Variants in EVI5 observed in about 807,000 individuals in gnomAD.
EVI5 encodes the protein ecotropic viral integration site 5 protein homolog.
A neutral mutation model predicts 112.0 loss-of-function variants in EVI5; 73 were observed. The observed-to-expected ratio is 0.65, with a 90% CI of 0.54 to 0.79. EVI5 has a LOEUF of 0.79. EVI5 is among the 30% of genes least tolerant of loss of function. The probability of loss-of-function intolerance (pLI) is 0.00; values close to 1 mark genes in which losing one functional copy is unlikely to be tolerated. For synonymous variants in EVI5, 305 were observed against 319.9 expected (o/e 0.95, Z 0.50); for missense variants, 900 against 968.8 (o/e 0.93, Z 0.94).
chr1:92,572,725 T>A (rs1670495384), intron 18 of EVI5, among the ~76,000 whole-genome samples: 1 of 106,142 alleles, frequency 9.4e-6, no homozygotes, highest in Non-Finnish European at 1.9e-5. Context: ...TAACCATATC[T>A]GTTTTGTACA....
At chr1:92,641,345 T>G (rs1342376991) in intron 13 of EVI5, among the ~76,000 whole-genome samples, 2 of 152,180 alleles carry the variant, frequency 1.3e-5, no homozygotes, top group Non-Finnish European at 2.9e-5. Flanking sequence ...ATAGGTAGGT[T>G]AGCAAAATAT....
At chr1:92,556,929 G>A (rs2100821206) in intron 19 of EVI5, among the ~76,000 whole-genome samples, 1 of 151,750 alleles carries the variant, frequency 6.6e-6, no homozygotes, top group Middle Eastern at 3.4e-3. Flanking sequence ...TCCTGCCTCA[G>A]TCTCCCAAGT....
chr1:92,673,429 C>T (rs1666204963), intron 10 of EVI5, among the ~76,000 whole-genome samples: 1 of 151,902 alleles, frequency 6.6e-6, no homozygotes, highest in Non-Finnish European at 1.5e-5. Context: ...CTATCAGAAT[C>T]AAAGTTTTTT....
upstream of EVI5, among the ~76,000 whole-genome samples, chr1:92,787,027 G>A (rs1685691948): frequency 6.6e-6 from 1 of 152,118 alleles, no homozygotes; most frequent in East Asian, 1.9e-4. Flanking sequence ...CCCTATGGTG[G>A]TCTCTTACTC....
intron 14 of EVI5, among the ~76,000 whole-genome samples, chr1:92,629,106 A>G (rs1337739529): frequency 2.0e-5 from 3 of 152,240 alleles, no homozygotes; most frequent in Non-Finnish European, 1.5e-5. Context: ...GCTCTAAATC[A>G]TGTAACCCAG....
chr1:92,634,102 G>T (rs917116050), intron 14 of EVI5, among the ~76,000 whole-genome samples: 1 of 152,146 alleles, frequency 6.6e-6, no homozygotes, highest in African/African-American at 2.4e-5. Flanking sequence ...CTCTCTGGCT[G>T]CCCTTAACAT....
chr1:92,659,103 A>G (rs564111848), intron 13 of EVI5, among the ~76,000 whole-genome samples: 29 of 152,112 alleles, frequency 1.9e-4, no homozygotes, highest in Non-Finnish European at 3.5e-4. Context: ...AAGGAAAAAA[A>G]TATGGATTAA....
chr1:92,591,962 A>G (rs1381029137), intron 18 of EVI5, among the ~76,000 whole-genome samples: 7 of 152,168 alleles, frequency 4.6e-5, no homozygotes, highest in Non-Finnish European at 8.8e-5. Flanking sequence ...AACTCACTCA[A>G]GCCGGGCGCG....
At chr1:92,608,223 A>T (rs1456577303) in intron 16 of EVI5, among the ~76,000 whole-genome samples, 2 of 152,188 alleles carry the variant, frequency 1.3e-5, no homozygotes, top group Non-Finnish European at 2.9e-5. Context: ...TACTGTCAAT[A>T]TTAGAGACTC....
chr1:92,676,215 T>C (rs903107138), intron 10 of EVI5, among the ~76,000 whole-genome samples: 1 of 151,978 alleles, frequency 6.6e-6, no homozygotes, highest in Non-Finnish European at 1.5e-5. Context: ...CTAGAGGCTT[T>C]TGAGGAGGAC....
chr1:92,745,399 T>C (rs549901055), intron 1 of EVI5, among the ~76,000 whole-genome samples: 20 of 152,292 alleles, frequency 1.3e-4, no homozygotes, highest in Non-Finnish European at 2.4e-4. Context: ...ATAATGATAA[T>C]ATTCACTGAG....
chr1:92,588,901 TAG>T (rs1673233756), intron 18 of EVI5, among the ~76,000 whole-genome samples: 1 of 152,258 alleles, frequency 6.6e-6, no homozygotes, highest in Non-Finnish European at 1.5e-5. Context: ...TGACTGTGGC[TAG>T]TATGCCGATA....
At chr1:92,563,981 G>A (rs1410520646) in intron 18 of EVI5, among the ~76,000 whole-genome samples, 1 of 152,052 alleles carries the variant, frequency 6.6e-6, no homozygotes, top group African/African-American at 2.4e-5. Flanking sequence ...GGAGTGCAAC[G>A]GTGCCATCTC....
intron 2 of EVI5, among the ~76,000 whole-genome samples, chr1:92,712,939 A>AAT (rs1260628232): frequency 6.6e-6 from 1 of 150,790 alleles, no homozygotes; most frequent in Non-Finnish European, 1.5e-5. Flanking sequence ...AAAGATGAAA[A>AAT]ATATATATAT....
chr1:92,521,120 C>T (rs1025420826), intron 19 of EVI5, among the ~76,000 whole-genome samples: 1 of 151,798 alleles, frequency 6.6e-6, no homozygotes, highest in African/African-American at 2.4e-5. Context: ...GGCCACCACA[C>T]CTGGCTAATT....
chr1:92,617,358 A>G (rs1653433796), intron 16 of EVI5, among the ~76,000 whole-genome samples: 1 of 152,154 alleles, frequency 6.6e-6, no homozygotes, highest in African/African-American at 2.4e-5. Flanking sequence ...AATTGGTGAC[A>G]AAGAAATTTG....
intron 18 of EVI5, among the ~76,000 whole-genome samples, chr1:92,579,497 T>C (rs1040705296): frequency 1.3e-5 from 2 of 152,226 alleles, no homozygotes; most frequent in Non-Finnish European, 2.9e-5. Context: ...GTATTTTATA[T>C]ATTTCACGGA....
At position 92,687,079 on chromosome 1, in the gene EVI5, C is replaced by T. The variant is rs1277827959; in HGVS notation, c.1097+6723G>A. On this transcript the variant is annotated intron_variant, in intron 9 of 19. Transcript: ENST00000684568. ...GGAACCAAAAAAGAGCCCACATTGC[C>T]GAAACAATCCTAAGCAAAAAGAACA... 7.2e-5 allele frequency among the ~76,000 whole-genome samples: 11 copies of T among 152,224 alleles called. 1 individual carries two copies. The highest frequency in any genetic ancestry group is 1.9e-4 in the African/African-American group (8 of 41,542).
At chr1:92,779,602 A>T (rs907985849) in intron 1 of EVI5, among the ~76,000 whole-genome samples, 6 of 152,144 alleles carry the variant, frequency 3.9e-5, no homozygotes, top group Admixed American at 1.3e-4. Context: ...TGAAACAAGA[A>T]GAGATGGAGA....
Sources: allele counts gnomAD v4.1 joint callset (sites outside exome capture counted in the v4.1 genomes callset), GRCh38; gene constraint gnomAD v4.1.1; transcripts MANE v1.5; gene names NCBI Gene and HGNC (gene_info 2026-07-23, HGNC 2026-07-21).